The following B3GALT5 variants were observed in gnomAD, a reference collection of about 807,000 sequenced individuals.
The protein encoded by B3GALT5 is UDP-Gal:betaGlcNAc beta 1,3-galactosyltransferase, polypeptide 5.
For missense variants in B3GALT5, 328 were observed against 396.6 expected (o/e 0.83, Z 1.47); for synonymous variants, 156 against 158.6 (o/e 0.98, Z 0.12).
Position 39,661,477 on chromosome 21 carries a change from T to C in B3GALT5, c.918T>C (p.Asp306=), listed in dbSNP as rs760852174. 2.1e-5 allele frequency: 32 copies of C among 1,509,128 alleles called. No individual in the cohort carries two copies. The East Asian group carries it at 6.4e-4, about 30-fold the overall frequency. The allele number at this position is 1,509,128 out of a possible 1,614,324, so 93.5% of individuals were successfully genotyped here. A position where few individuals can be genotyped will look rare whatever the true frequency, so the allele number is the denominator to read the frequency against. The change falls in exon 4 of 4, where the codon GAT becomes GAC. Residue 306 remains aspartate (D), a synonymous_variant. Transcript: ENST00000684187. The surrounding 1 kb of genome is among the most constrained non-coding windows in gnomAD (Gnocchi z 4.7). ...WQALENSRGE[D]CPPV ...CTCTAGAGAATTCCCGGGGGGAAGA[T>C]TGTCCGCCTGTCTGAGGGGAGCCCA...
intron 1 of B3GALT5, among the ~76,000 whole-genome samples, chr21:39,620,059 C>T (rs569344418): frequency 4.6e-5 from 7 of 152,334 alleles, no homozygotes; most frequent in South Asian, 2.1e-4. Flanking sequence ...CCCCTGGCCT[C>T]AAGTGATCCT....
intron 1 of B3GALT5, among the ~76,000 whole-genome samples, chr21:39,639,705 C>T (rs749346600): frequency 6.6e-6 from 1 of 151,722 alleles, no homozygotes; most frequent in Non-Finnish European, 1.5e-5. Flanking sequence ...GTCTTGAACT[C>T]CTGACCTCAT....
intron 1 of B3GALT5, among the ~76,000 whole-genome samples, chr21:39,643,418 A>C (rs1188724442): frequency 1.3e-5 from 1 of 74,122 alleles, no homozygotes; most frequent in Non-Finnish European, 2.8e-5. Context: ...ACTCTAGCTC[A>C]AAAAAAAAAA....
rs2079615461 is a variant in B3GALT5, at chr21:39,670,248, A to G, written c.*8756A>G. ...GTGTGTGTGTGTGTATCTATGAGAGAGAGAGAGACAGACAGACAGATCTGA... is the reference window on the plus strand; with the variant it reads ...GTGTGTGTGTGTGTATCTATGAGAGGGAGAGAGACAGACAGACAGATCTGA... On this transcript the variant is annotated 3_prime_UTR_variant, in exon 4 of 4. Transcript: ENST00000684187. 6.7e-6 allele frequency: 1 copy of G among 150,030 alleles called. No individual in the cohort carries two copies. Among genetic ancestry groups the G allele is most frequent in the African/African-American group, 2.5e-5 (1 of 40,160 alleles). The allele number at this position is 150,030 out of a possible 1,614,324, so 9.3% of individuals were successfully genotyped here. A position where few individuals can be genotyped will look rare whatever the true frequency, so the allele number is the denominator to read the frequency against.
intron 1 of B3GALT5, among the ~76,000 whole-genome samples, chr21:39,628,948 T>C (rs1172675473): frequency 6.6e-6 from 1 of 152,206 alleles, no homozygotes; most frequent in Non-Finnish European, 1.5e-5. Flanking sequence ...AACTAAAAAG[T>C]GGTTGACTTG....
At chr21:39,655,865 G>A (rs901052213) in intron 2 of B3GALT5, among the ~76,000 whole-genome samples, 5 of 152,080 alleles carry the variant, frequency 3.3e-5, no homozygotes, top group African/African-American at 1.2e-4. Flanking sequence ...CATCGTTCTC[G>A]TCCACCCCCG....
At chr21:39,646,013 G>T (rs1386071852) in intron 1 of B3GALT5, among the ~76,000 whole-genome samples, 1 of 150,752 alleles carries the variant, frequency 6.6e-6, no homozygotes, top group Non-Finnish European at 1.5e-5. Flanking sequence ...CCCCTTGCAC[G>T]GCTGGAGTAA....
At chr21:39,635,155 G>A (rs577690357) in intron 1 of B3GALT5, among the ~76,000 whole-genome samples, 3 of 152,270 alleles carry the variant, frequency 2.0e-5, no homozygotes, top group Middle Eastern at 3.4e-3. Context: ...GCATGCCTGC[G>A]GGACCCGTGT....
chr21:39,667,002 A>G lies in B3GALT5; in HGVS notation c.*5510A>G, dbSNP rs540940576. 6.6e-6 allele frequency: 1 copy of G among 152,214 alleles called. No individual in the cohort carries two copies. Among genetic ancestry groups the G allele is most frequent in the East Asian group, 1.9e-4 (1 of 5,174 alleles). The allele number at this position is 152,214 out of a possible 1,614,324, so 9.4% of individuals were successfully genotyped here. On this transcript the variant is annotated 3_prime_UTR_variant, in exon 4 of 4. Transcript: ENST00000684187. ...ATTTTTTAAAACAGCAAATCTGATT[A>G]GGAAACTCAGAGGCCCAGGGAAGCC...
chr21:39,656,503 C>T, intron 2 of B3GALT5, among the ~76,000 whole-genome samples: 1 of 152,340 alleles, frequency 6.6e-6, no homozygotes, highest in East Asian at 1.9e-4. Flanking sequence ...AGGGCCACAG[C>T]CCCTGGAGAC....
intron 1 of B3GALT5, among the ~76,000 whole-genome samples, chr21:39,617,219 T>A (rs1216832830): frequency 1.3e-5 from 2 of 152,260 alleles, no homozygotes; most frequent in African/African-American, 4.8e-5. Context: ...TTTCAAGCTC[T>A]CTAAAATGGT....
chr21:39,630,630 T>C (rs1278780850), intron 1 of B3GALT5: 1 of 152,254 alleles, frequency 6.6e-6, no homozygotes, highest in African/African-American at 2.4e-5. Context: ...GGTGTTTGCA[T>C]GTCAGCGTTT....
At chr21:39,645,585 C>T (rs957090918) in intron 1 of B3GALT5, among the ~76,000 whole-genome samples, 21 of 152,158 alleles carry the variant, frequency 1.4e-4, no homozygotes, top group Admixed American at 1.2e-3. Flanking sequence ...GGTGTCTCCC[C>T]ATTTCACATC....
In B3GALT5 at chr21:39,670,597, T is replaced by G. The variant is rs1354032383; in HGVS notation, c.*9105T>G. The G allele has an allele frequency of 6.6e-6, 1 of 152,212 alleles. No individual in the cohort carries two copies. The highest frequency in any genetic ancestry group is 1.5e-5 in the Non-Finnish European group (1 of 68,042). The allele number at this position is 152,212 out of a possible 1,614,324, so 9.4% of individuals were successfully genotyped here. A position where few individuals can be genotyped will look rare whatever the true frequency, so the allele number is the denominator to read the frequency against. ...TCTCTGAAGGATGTGACACCAACTT[T>G]CAGGCAGAACATTTAGAAAGAGTGA... On this transcript the variant is annotated 3_prime_UTR_variant, in exon 4 of 4. Coordinates refer to ENST00000684187, the MANE Select transcript of B3GALT5 (RefSeq NM_001356336.2).
intron 2 of B3GALT5, among the ~76,000 whole-genome samples, 172 bp downstream of exon 2, chr21:39,646,794 G>A (rs922406203): frequency 2.6e-5 from 4 of 152,190 alleles, no homozygotes; most frequent in African/African-American, 9.7e-5. Context: ...CTGGGAAAGA[G>A]CAGGAGGGTC....
chr21:39,643,786 AGAG>A (rs1478160363), intron 1 of B3GALT5, among the ~76,000 whole-genome samples: 2 of 152,194 alleles, frequency 1.3e-5, no homozygotes, highest in African/African-American at 4.8e-5. Context: ...GCATTTGGCA[AGAG>A]GAGATCATGC....
chr21:39,662,330 C>A lies in B3GALT5; in HGVS notation c.*838C>A, dbSNP rs763991707. 6.0e-6 allele frequency: 1 copy of A among 167,156 alleles called. No homozygotes were observed. Among genetic ancestry groups the A allele is most frequent in the African/African-American group, 2.4e-5 (1 of 41,444 alleles). 10.4% of individuals were successfully genotyped at this position (167,156 alleles called of 1,614,324 possible). On this transcript the variant is annotated 3_prime_UTR_variant, in exon 4 of 4. Coordinates refer to ENST00000684187, the MANE Select transcript of B3GALT5 (RefSeq NM_001356336.2). ...TGAGCCATCTGCTGCTCTCTCATTTCATCACCCCAACTGTCCCTTGTTTTT... is the reference window on the plus strand; with the variant it reads ...TGAGCCATCTGCTGCTCTCTCATTTAATCACCCCAACTGTCCCTTGTTTTT...
chr21:39,620,583 A>G (rs768128060), intron 1 of B3GALT5, among the ~76,000 whole-genome samples: 3 of 152,200 alleles, frequency 2.0e-5, no homozygotes, highest in East Asian at 3.9e-4. Flanking sequence ...TCCCTGGCCA[A>G]TGAAAAGGGA....
chr21:39,639,420 CTTT>C (rs2079267871), intron 1 of B3GALT5, among the ~76,000 whole-genome samples: 1 of 111,000 alleles, frequency 9.0e-6, no homozygotes, highest in Non-Finnish European at 1.9e-5. Flanking sequence ...TTCTTTCTTT[CTTT>C]CTTTCTTTCT....
Sources: gnomAD v4.1 joint callset for allele counts (sites outside exome capture counted in the v4.1 genomes callset) on GRCh38, gnomAD v4.1.1 for gene constraint, Gnocchi (gnomAD v3.1) non-coding constraint, MANE v1.5 for transcripts, NCBI Gene and HGNC (gene_info 2026-07-23, HGNC 2026-07-21) for gene names.